CHD1: variants seen among roughly 807,000 people sequenced by gnomAD.
CHD1 encodes chromodomain helicase DNA binding protein 1.
In CHD1, 36 loss-of-function variants were observed where a neutral mutation model predicts 224.2. The observed-to-expected ratio is 0.16, with a 90% CI of 0.12 to 0.21. CHD1 has a LOEUF of 0.21. Ranked by LOEUF, CHD1 falls within the 10% of genes least tolerant of loss-of-function variation. The probability of loss-of-function intolerance (pLI) is 1.00; values close to 1 mark genes in which losing one functional copy is unlikely to be tolerated. For missense variants in CHD1, 1,378 were observed against 1,994.8 expected (o/e 0.69, Z 5.89); for synonymous variants, 668 against 658.3 (o/e 1.01, Z -0.23).
intron 2 of CHD1, among the ~76,000 whole-genome samples, chr5:98,920,989 A>C: frequency 6.6e-6 from 1 of 152,188 alleles, no homozygotes; most frequent in Non-Finnish European, 1.5e-5. Context: ...AACAGAAAAG[A>C]GGGAGTTAAT....
At chr5:98,905,533 T>A (rs1751992817) in intron 2 of CHD1, among the ~76,000 whole-genome samples, 1 of 152,176 alleles carries the variant, frequency 6.6e-6, no homozygotes, top group African/African-American at 2.4e-5. Flanking sequence ...TTAAAAAAAA[T>A]TCTTACAGTA....
intron 30 of CHD1, 106 bp from the exon 31 acceptor site, chr5:98,868,741 T>C (rs950343613): frequency 9.0e-7 from 1 of 1,108,410 alleles, no homozygotes; most frequent in African/African-American, 1.6e-5. Flanking sequence ...ATTCTACAAG[T>C]GCTCATTCTC....
chr5:98,870,939 C>G lies in CHD1; in HGVS notation c.3862-136G>C, dbSNP rs1028720322. ...AATTATTAATATTTGTAGGAATAAACTCAATGCAAAATGTATTTTTTATAC... is the reference window on the plus strand; with the variant it reads ...AATTATTAATATTTGTAGGAATAAAGTCAATGCAAAATGTATTTTTTATAC... On this transcript the variant is annotated intron_variant, in intron 28 of 35. Coordinates refer to ENST00000614616, the MANE Select transcript of CHD1 (RefSeq NM_001270.4). 8 of 456,990 alleles carry G rather than the reference C, an allele frequency of 1.8e-5. No individual in the cohort carries two copies. In the Admixed American group the frequency reaches 3.1e-4, roughly 18 times the overall value. The allele number at this position is 456,990 out of a possible 1,614,324, so 28.3% of individuals were successfully genotyped here. A position where few individuals can be genotyped will look rare whatever the true frequency, so the allele number is the denominator to read the frequency against.
Position 98,923,418 on chromosome 5 carries a change from A to ATT in CHD1, c.53+2914_53+2915dup, listed in dbSNP as rs5869836. Among the ~76,000 whole-genome samples the ATT allele has an allele frequency of 6.2e-5, 9 of 145,940 alleles. No homozygotes were observed. In the South Asian group the frequency reaches 1.1e-3, roughly 18 times the overall value. On this transcript the variant is annotated intron_variant, in intron 2 of 35. Transcript: ENST00000614616. ...CTTAAATTTGATTTCGCAAGGTTTA[A>ATT]TTTTTTTTTTTTTTTTGAGACGGAG... is the stretch of plus-strand genomic sequence containing the variant.
intron 19 of CHD1, 112 bp downstream of exon 19, chr5:98,882,976 T>C (rs992793262): frequency 1.4e-5 from 9 of 656,992 alleles, no homozygotes; most frequent in Middle Eastern, 4.6e-4. Flanking sequence ...GGTTAAACAG[T>C]AGTATGACTG....
intron 33 of CHD1, 25 bp downstream of exon 33, chr5:98,859,947 G>A (rs1044997522): frequency 1.7e-6 from 2 of 1,182,204 alleles, no homozygotes; most frequent in East Asian, 2.4e-5. Flanking sequence ...ATAAATTCAG[G>A]GAAAAAATAT....
rs1387988248 is a variant in CHD1, at chr5:98,876,542, C to T, written c.3254G>A (p.Ser1085Asn). 2 of 1,613,644 alleles carry T rather than the reference C, an allele frequency of 1.2e-6. No homozygotes were observed. Among genetic ancestry groups the T allele is most frequent in the East Asian group, 2.2e-5 (1 of 44,860 alleles). ...CCTACTTCTACTGCGCCTCCCTTCA[C>T]TTCCATTGAAACTAATCTGGAATTG... is the stretch of plus-strand genomic sequence containing the variant. Reference protein sequence around the residue: ...NCAKQISFNGSEGRRSRSRRY... With the variant: ...NCAKQISFNGNEGRRSRSRRY... The change falls in exon 24 of 36, where the codon AGT (serine) becomes AAT (asparagine). Residue 1085 changes from serine to asparagine, a missense_variant. Coordinates refer to ENST00000614616, the MANE Select transcript of CHD1 (RefSeq NM_001270.4).
intron 31 of CHD1, among the ~76,000 whole-genome samples, chr5:98,867,491 T>C (rs1048504207): frequency 6.6e-6 from 1 of 152,150 alleles, no homozygotes; most frequent in African/African-American, 2.4e-5. Flanking sequence ...TTTTAAAAAA[T>C]ATATTGGTCT....
At chr5:98,873,283 A>G (rs1300511785) in intron 26 of CHD1, among the ~76,000 whole-genome samples, 6 of 152,170 alleles carry the variant, frequency 3.9e-5, no homozygotes, top group Admixed American at 3.9e-4. Flanking sequence ...TAGATACTAT[A>G]CATATTGTAC....
At chr5:98,862,112 C>T (rs933329927) in intron 32 of CHD1, among the ~76,000 whole-genome samples, 1 of 152,030 alleles carries the variant, frequency 6.6e-6, no homozygotes, top group Non-Finnish European at 1.5e-5. Context: ...AGCTGAGATT[C>T]GCCACTGCAC....
chr5:98,900,726 A>T, intron 7 of CHD1, 85 bp downstream of exon 7: 1 of 1,207,994 alleles, frequency 8.3e-7, no homozygotes, highest in Non-Finnish European at 1.2e-6. Flanking sequence ...TACTGGGATT[A>T]CAGGGGCGAC....
rs1433731503 is a variant in CHD1, at chr5:98,872,446, G to A, written c.3681C>T (p.Ser1227=). 2.5e-6 allele frequency: 4 copies of A among 1,612,922 alleles called. No individual in the cohort carries two copies. Among genetic ancestry groups the A allele is most frequent in the Non-Finnish European group, 3.4e-6 (4 of 1,179,534 alleles). ...HEEELIPLHK[S]IPSDPEERKQ... is the part of the protein sequence containing the mutation. ...TTCTTTCTTCTGGATCAGAAGGAAT[G>A]GATTTGTGCAAAGGTATTAATTCTT... The change falls in exon 27 of 36, where the codon TCC becomes TCT. Residue 1227 remains serine (S), a synonymous_variant. Coordinates refer to ENST00000614616, the MANE Select transcript of CHD1 (RefSeq NM_001270.4).
At chr5:98,912,269 C>G (rs1050961608) in intron 2 of CHD1, among the ~76,000 whole-genome samples, 4 of 152,088 alleles carry the variant, frequency 2.6e-5, no homozygotes, top group Admixed American at 1.3e-4. Flanking sequence ...ATACAATTAT[C>G]TAATGTATAA....
At chr5:98,914,994 G>A (rs981164817) in intron 2 of CHD1, among the ~76,000 whole-genome samples, 2 of 152,188 alleles carry the variant, frequency 1.3e-5, no homozygotes, top group Non-Finnish European at 2.9e-5. Flanking sequence ...CTGGAAAGTA[G>A]TAGGTAATGA....
intron 23 of CHD1, among the ~76,000 whole-genome samples, chr5:98,878,019 C>T (rs1195251147): frequency 6.6e-6 from 1 of 152,146 alleles, no homozygotes; most frequent in African/African-American, 2.4e-5. Flanking sequence ...AACAGTGGCT[C>T]ATTTGTGAAG....
intron 31 of CHD1, among the ~76,000 whole-genome samples, chr5:98,865,191 ATGAAAGTCCTAAAACTTGTT>A (rs902071873): frequency 3.3e-5 from 5 of 152,220 alleles, no homozygotes; most frequent in African/African-American, 1.2e-4. Flanking sequence ...AAAAACAAAC[ATGAAAGTCCTAAAACTTGTT>A]TGACATGTTT....
intron 18 of CHD1, among the ~76,000 whole-genome samples, chr5:98,884,470 G>C (rs935603306): frequency 6.6e-6 from 1 of 152,010 alleles, no homozygotes. Context: ...AGGATGCAAA[G>C]TAATAAGAAT....
intron 7 of CHD1, among the ~76,000 whole-genome samples, 188 bp downstream of exon 7, chr5:98,900,623 T>C (rs1751641098): frequency 6.6e-6 from 1 of 151,884 alleles, no homozygotes. Context: ...CTATTTTTAG[T>C]AGAGATGGGG....
intron 23 of CHD1, 89 bp downstream of exon 23, chr5:98,879,463 T>C (rs1750007400): frequency 1.7e-6 from 2 of 1,194,674 alleles, no homozygotes; most frequent in African/African-American, 3.1e-5. Context: ...AAAAGAAAAC[T>C]ATGGACTGAT....
Sources: gnomAD v4.1 joint callset for allele counts (sites outside exome capture counted in the v4.1 genomes callset) on GRCh38, gnomAD v4.1.1 for gene constraint, MANE v1.5 for transcripts, NCBI Gene and HGNC (gene_info 2026-07-23, HGNC 2026-07-21) for gene names.